SLC9A4: variants seen among roughly 807,000 people sequenced by gnomAD.
The protein encoded by SLC9A4 is solute carrier family 9 member A4, also known as sodium/hydrogen exchanger 4.
A neutral mutation model predicts 67.4 loss-of-function variants in SLC9A4; 63 were observed. That is an observed-to-expected ratio of 0.93 (90% CI 0.76 to 1.15). The LOEUF is 1.15. SLC9A4 is among the 50% of genes most tolerant of loss of function. SLC9A4 has a pLI of 0.00. For synonymous variants in SLC9A4, 393 were observed against 367.2 expected, an observed-to-expected ratio of 1.07 and a Z score of -0.80; for missense variants, 1,089 against 987.7, an observed-to-expected ratio of 1.10 and a Z score of -1.38.
In SLC9A4 at chr2:102,533,051, A is replaced by G. The variant is rs1480040773; in HGVS notation, c.*363A>G. 1 of 189,560 alleles carries G rather than the reference A, an allele frequency of 5.3e-6. No individual in the cohort carries two copies. Among genetic ancestry groups the G allele is most frequent in the Non-Finnish European group, 1.1e-5 (1 of 89,470 alleles). The allele number at this position is 189,560 out of a possible 1,614,324, so 11.7% of individuals were successfully genotyped here. A position where few individuals can be genotyped will look rare whatever the true frequency, so the allele number is the denominator to read the frequency against. On this transcript the variant is annotated 3_prime_UTR_variant, in exon 12 of 12. Transcript: ENST00000295269. ...TTCACATTGCCGATATGCATATGCA[A>G]CTTATAATCAAATAGAACTAGAAGA...
intron 9 of SLC9A4, among the ~76,000 whole-genome samples, chr2:102,524,385 A>G (rs567674634): frequency 6.6e-6 from 1 of 152,376 alleles, no homozygotes; most frequent in East Asian, 1.9e-4. Flanking sequence ...ATGTTGGCCT[A>G]GGGTCCATGA....
In SLC9A4 at chr2:102,483,741, C is replaced by T. The variant is rs149719783; in HGVS notation, c.720+4439C>T. ...CGCCACTATACACAAATGGTTACAA[C>T]GTGAGAAGATGGATACAAAAATTAG... On this transcript the variant is annotated intron_variant, in intron 2 of 11. Coordinates refer to ENST00000295269, the MANE Select transcript of SLC9A4 (RefSeq NM_001011552.4). Among the ~76,000 whole-genome samples, 324 of 146,434 alleles carry T rather than the reference C, an allele frequency of 2.2e-3. 2 individuals carry two copies. The highest frequency in any genetic ancestry group is 7.7e-3 in the African/African-American group (307 of 39,992).
At chr2:102,499,105 G>A (rs1684869679) in intron 2 of SLC9A4, among the ~76,000 whole-genome samples, 1 of 152,128 alleles carries the variant, frequency 6.6e-6, no homozygotes, top group Non-Finnish European at 1.5e-5. Flanking sequence ...GGAACCCACA[G>A]GCTGAAACAC....
intron 4 of SLC9A4, among the ~76,000 whole-genome samples, chr2:102,506,231 A>T (rs775600876): frequency 6.6e-6 from 1 of 152,214 alleles, no homozygotes; most frequent in Non-Finnish European, 1.5e-5. Context: ...AACATTAAGC[A>T]CTGAACTACA....
intron 4 of SLC9A4, 30 bp downstream of exon 4, chr2:102,505,501 G>A (rs758985694): frequency 3.1e-6 from 5 of 1,595,792 alleles, no homozygotes; most frequent in East Asian, 4.5e-5. Context: ...CAGAGTCTCC[G>A]GTCCTGCTGC....
At chr2:102,516,154 A>C (rs1685272559) in intron 8 of SLC9A4, among the ~76,000 whole-genome samples, 1 of 152,222 alleles carries the variant, frequency 6.6e-6, no homozygotes, top group Non-Finnish European at 1.5e-5. Context: ...ATCTCAAGGC[A>C]ATCTTTAAAC....
chr2:102,524,723 G>A (rs1674623808), intron 9 of SLC9A4, among the ~76,000 whole-genome samples: 1 of 152,152 alleles, frequency 6.6e-6, no homozygotes, highest in African/African-American at 2.4e-5. Context: ...GACCTGGAAA[G>A]GAAAGTGTAT....
chr2:102,507,292 G>A (rs915200153), intron 4 of SLC9A4, among the ~76,000 whole-genome samples: 2 of 152,194 alleles, frequency 1.3e-5, no homozygotes, highest in South Asian at 2.1e-4. Context: ...GTGACGAGAC[G>A]CACATGAGGA....
At chr2:102,478,608 G>T (rs1424389034) in intron 1 of SLC9A4, among the ~76,000 whole-genome samples, 1 of 152,156 alleles carries the variant, frequency 6.6e-6, no homozygotes, top group Non-Finnish European at 1.5e-5. Context: ...GAGGATGGGG[G>T]AGGGGGCAGC....
rs1033273440 is a variant in SLC9A4, at chr2:102,517,295, C to A, written c.1722-2564C>A. ...GAGCCCACTTTTCCTACAGACTTCACATCTTAGCTGCTTAAAAAAAGATGT... is the reference window on the plus strand; with the variant it reads ...GAGCCCACTTTTCCTACAGACTTCAAATCTTAGCTGCTTAAAAAAAGATGT... On this transcript the variant is annotated intron_variant, in intron 8 of 11. Coordinates refer to ENST00000295269, the MANE Select transcript of SLC9A4 (RefSeq NM_001011552.4). Among the ~76,000 whole-genome samples, 3 of 152,168 alleles carry A rather than the reference C, an allele frequency of 2.0e-5. No individual in the cohort carries two copies. In the East Asian group the frequency reaches 5.8e-4, roughly 29 times the overall value.
chr2:102,493,963 C>T (rs919824736), intron 2 of SLC9A4, among the ~76,000 whole-genome samples: 2 of 151,804 alleles, frequency 1.3e-5, no homozygotes, highest in Admixed American at 1.3e-4. Context: ...TAGAAAGTCC[C>T]CTGTTAAAAG....
At chr2:102,521,980 T>C (rs973225067) in intron 9 of SLC9A4, among the ~76,000 whole-genome samples, 1 of 152,192 alleles carries the variant, frequency 6.6e-6, no homozygotes, top group African/African-American at 2.4e-5. Flanking sequence ...CAATTCTGTT[T>C]GAAGTCCTTC....
intron 2 of SLC9A4, among the ~76,000 whole-genome samples, chr2:102,482,094 C>T (rs1684477304): frequency 6.6e-6 from 1 of 152,154 alleles, no homozygotes; most frequent in African/African-American, 2.4e-5. Flanking sequence ...GCATTCTACC[C>T]TTGCGGGCAA....
Position 102,532,825 on chromosome 2 carries a change from G to A in SLC9A4, c.*137G>A. On this transcript the variant is annotated 3_prime_UTR_variant, in exon 12 of 12. Transcript: ENST00000295269. Reference sequence around the variant, plus strand: ...GCTATTAAACATGGATCTATAAGCAGCAGGAAGATTTTTTCCAAGGACTGG... The same window carrying A: ...GCTATTAAACATGGATCTATAAGCAACAGGAAGATTTTTTCCAAGGACTGG... The A allele has an allele frequency of 2.1e-6, 2 of 954,610 alleles. No homozygotes were observed. Among genetic ancestry groups the A allele is most frequent in the Non-Finnish European group, 3.0e-6 (2 of 659,044 alleles). 59.1% of individuals were successfully genotyped at this position (954,610 alleles called of 1,614,324 possible).
chr2:102,530,219 C>T (rs976877800), intron 11 of SLC9A4, among the ~76,000 whole-genome samples: 3 of 152,094 alleles, frequency 2.0e-5, no homozygotes, highest in South Asian at 2.1e-4. Context: ...TGTTGGGGCC[C>T]GCCCTGCGCT....
intron 4 of SLC9A4, 104 bp downstream of exon 4, chr2:102,505,575 G>GT: frequency 8.9e-7 from 1 of 1,129,716 alleles, no homozygotes; most frequent in East Asian, 2.5e-5. Context: ...ATGCTAACTG[G>GT]TTTTACCGGT....
intron 1 of SLC9A4, among the ~76,000 whole-genome samples, chr2:102,477,587 T>C (rs1337701984): frequency 6.6e-6 from 1 of 152,176 alleles, no homozygotes. Flanking sequence ...GGATTATTGT[T>C]ATTAGACGGA....
chr2:102,502,070 G>A (rs1392331903), intron 2 of SLC9A4, among the ~76,000 whole-genome samples: 1 of 152,038 alleles, frequency 6.6e-6, no homozygotes, highest in African/African-American at 2.4e-5. Context: ...CTGATTTTTT[G>A]CATTTTTCCT....
intron 2 of SLC9A4, among the ~76,000 whole-genome samples, chr2:102,480,884 C>T (rs2104414655): frequency 6.6e-6 from 1 of 152,290 alleles, no homozygotes; most frequent in Admixed American, 6.5e-5. Flanking sequence ...CGCAGGACCA[C>T]ACAGAGGCTG....
Sources: gnomAD v4.1 joint callset for allele counts (sites outside exome capture counted in the v4.1 genomes callset) on GRCh38, gnomAD v4.1.1 for gene constraint, MANE v1.5 for transcripts, NCBI Gene and HGNC (gene_info 2026-07-23, HGNC 2026-07-21) for gene names.